The following PPFIA2 variants were observed in gnomAD, a reference collection of about 807,000 sequenced individuals.
PPFIA2 encodes liprin-alpha-2.
In PPFIA2, 46 loss-of-function variants were observed where a neutral mutation model predicts 175.5. The ratio of observed to expected loss-of-function variants is 0.26; its 90% CI spans 0.21 to 0.34. The LOEUF (loss-of-function observed/expected upper bound fraction) is 0.34, where lower values mean the gene tolerates loss of function less well. PPFIA2 is among the 10% of genes least tolerant of loss of function. The probability of loss-of-function intolerance (pLI) is 1.00; values close to 1 mark genes in which losing one functional copy is unlikely to be tolerated. For synonymous variants in PPFIA2, 568 were observed against 511.4 expected (o/e 1.11, Z -1.49); for missense variants, 1,179 against 1,506.1 (o/e 0.78, Z 3.60).
At chr12:81,460,745 T>C (rs1414141214) in intron 4 of PPFIA2, among the ~76,000 whole-genome samples, 3 of 152,260 alleles carry the variant, frequency 2.0e-5, no homozygotes, top group South Asian at 2.1e-4. Context: ...AGGGTTAACA[T>C]TGATTGCAAA....
intron 3 of PPFIA2, among the ~76,000 whole-genome samples, chr12:81,738,187 T>C (rs1336184925): frequency 6.6e-6 from 1 of 150,634 alleles, no homozygotes; most frequent in Non-Finnish European, 1.5e-5. Flanking sequence ...ACAGCAACAA[T>C]GAAAGTCAGA....
At chr12:81,365,343 A>G (rs1482167716) in intron 14 of PPFIA2, among the ~76,000 whole-genome samples, 2 of 151,792 alleles carry the variant, frequency 1.3e-5, no homozygotes, top group Non-Finnish European at 2.9e-5. Context: ...ATGATAGTTC[A>G]GACATGAGAT....
chr12:81,276,429 C>T (rs1036458323), intron 28 of PPFIA2, among the ~76,000 whole-genome samples: 4 of 152,070 alleles, frequency 2.6e-5, no homozygotes, highest in African/African-American at 4.8e-5. Flanking sequence ...CAAAAAAATA[C>T]CTTTACCTAT....
chr12:81,477,959 GT>G (rs1350654299), intron 4 of PPFIA2, among the ~76,000 whole-genome samples: 1 of 151,576 alleles, frequency 6.6e-6, no homozygotes, highest in East Asian at 1.9e-4. Flanking sequence ...TTTTTCTATT[GT>G]TTGGAATAGT....
chr12:81,514,932 G>A (rs1467735827), intron 4 of PPFIA2, among the ~76,000 whole-genome samples: 2 of 151,804 alleles, frequency 1.3e-5, no homozygotes, highest in Non-Finnish European at 3.0e-5. Flanking sequence ...GATTCTTAGA[G>A]ACTTTCTTCT....
intron 3 of PPFIA2, among the ~76,000 whole-genome samples, chr12:81,700,807 T>A (rs559301273): frequency 6.6e-6 from 1 of 152,134 alleles, no homozygotes; most frequent in Non-Finnish European, 1.5e-5. Flanking sequence ...TATTGATTAG[T>A]TGGATATAAA....
chr12:81,368,122 T>C, intron 13 of PPFIA2: 1 of 1,288,232 alleles, frequency 7.8e-7, no homozygotes, highest in Non-Finnish European at 1.0e-6. Context: ...TGCTCTGGAA[T>C]TGGTAACCAG....
At chr12:81,706,960 C>T (rs1022574739) in intron 3 of PPFIA2, among the ~76,000 whole-genome samples, 22 of 152,050 alleles carry the variant, frequency 1.4e-4, no homozygotes, top group African/African-American at 5.1e-4. Context: ...GGAAAACTGG[C>T]TAGCCATATG....
intron 15 of PPFIA2, among the ~76,000 whole-genome samples, chr12:81,359,883 A>G (rs1297561912): frequency 2.0e-5 from 3 of 151,940 alleles, no homozygotes; most frequent in Non-Finnish European, 4.4e-5. Context: ...AAGGCCCTCT[A>G]TAACTTGGGC....
chr12:81,495,759 G>A (rs1166332754), intron 4 of PPFIA2, among the ~76,000 whole-genome samples: 5 of 152,122 alleles, frequency 3.3e-5, no homozygotes, highest in Non-Finnish European at 1.5e-5. Context: ...AGCCTACAGT[G>A]GGCTATAATT....
intron 3 of PPFIA2, among the ~76,000 whole-genome samples, chr12:81,703,158 G>A (rs1031679787): frequency 2.6e-5 from 4 of 151,962 alleles, no homozygotes; most frequent in African/African-American, 7.3e-5. Flanking sequence ...CCTTATTAAA[G>A]GCTACTTACT....
intron 22 of PPFIA2, among the ~76,000 whole-genome samples, chr12:81,321,843 G>T (rs747707935): frequency 6.6e-6 from 1 of 152,050 alleles, no homozygotes; most frequent in African/African-American, 2.4e-5. Context: ...ATTTTGGGGG[G>T]CAGGCCCATG....
chr12:81,445,223 G>GGGAGA (rs2051029106), intron 6 of PPFIA2, among the ~76,000 whole-genome samples: 2 of 62,778 alleles, frequency 3.2e-5, no homozygotes, highest in African/African-American at 1.6e-4. Context: ...GGGGGAGGGG[G>GGGAGA]GAGAGAGAGA....
intron 4 of PPFIA2, among the ~76,000 whole-genome samples, chr12:81,567,226 T>A (rs2071523299): frequency 6.6e-6 from 1 of 152,122 alleles, no homozygotes; most frequent in South Asian, 2.1e-4. Flanking sequence ...TTCTTTTGTA[T>A]TTTTAGTAGA....
At chr12:81,648,152 A>G (rs1200205053) in intron 4 of PPFIA2, among the ~76,000 whole-genome samples, 1 of 151,644 alleles carries the variant, frequency 6.6e-6, no homozygotes, top group Non-Finnish European at 1.5e-5. Context: ...AATTCACTGG[A>G]AAAGAAAAAT....
chr12:81,434,050 A>T (rs2048560581), intron 7 of PPFIA2, among the ~76,000 whole-genome samples: 2 of 152,220 alleles, frequency 1.3e-5, no homozygotes, highest in Middle Eastern at 6.8e-3. Context: ...TTTAGCATAA[A>T]TAAGATTTAG....
chr12:81,632,412 T>C (rs1390809998), intron 4 of PPFIA2, among the ~76,000 whole-genome samples: 2 of 152,066 alleles, frequency 1.3e-5, no homozygotes, highest in South Asian at 2.1e-4. Context: ...TATGTAAATA[T>C]ATATATGTTG....
At chr12:81,464,365 A>G (rs1037506316) in intron 4 of PPFIA2, among the ~76,000 whole-genome samples, 2 of 152,122 alleles carry the variant, frequency 1.3e-5, no homozygotes, top group Non-Finnish European at 2.9e-5. Context: ...GATTGTTTCC[A>G]TCAAAACCCA....
At chr12:81,493,787 T>TATAC (rs1491517743) in intron 4 of PPFIA2, among the ~76,000 whole-genome samples, 2,730 of 127,944 alleles carry the variant, frequency 0.021, 60 homozygotes, top group African/African-American at 0.062. Context: ...TATATATATA[T>TATAC]ACACATTGGA....
Sources: gnomAD v4.1 joint callset for allele counts (sites outside exome capture counted in the v4.1 genomes callset) on GRCh38, gnomAD v4.1.1 for gene constraint, MANE v1.5 for transcripts, NCBI Gene and HGNC (gene_info 2026-07-23, HGNC 2026-07-21) for gene names.